TFAP2D: variants seen among roughly 807,000 people sequenced by gnomAD.
TFAP2D encodes the protein transcription factor AP-2 delta, also known as transcription factor AP-2-delta.
In TFAP2D, 9 loss-of-function variants were observed where a neutral mutation model predicts 43.6. That is an observed-to-expected ratio of 0.21 (90% CI 0.12 to 0.36). TFAP2D has a LOEUF of 0.36. Ranked by LOEUF, TFAP2D falls within the 10% of genes least tolerant of loss-of-function variation. TFAP2D has a pLI of 1.00. For missense variants in TFAP2D, 513 were observed against 561.4 expected, an observed-to-expected ratio of 0.91 and a Z score of 0.87; for synonymous variants, 256 against 224.9, an observed-to-expected ratio of 1.14 and a Z score of -1.24.
At chr6:50,717,168 T>C (rs1386558286) in intron 2 of TFAP2D, among the ~76,000 whole-genome samples, 2 of 152,194 alleles carry the variant, frequency 1.3e-5, no homozygotes, top group African/African-American at 4.8e-5. Context: ...ACAAATTTTT[T>C]TTCTGTGCTA....
At chr6:50,718,988 T>C (rs992077426) in intron 2 of TFAP2D, 102 bp from the exon 3 acceptor site, 3 of 1,124,882 alleles carry the variant, frequency 2.7e-6, no homozygotes, top group South Asian at 2.9e-5. Context: ...AAATGTCTAC[T>C]GAAACAGAGT....
In TFAP2D at chr6:50,715,139, C is replaced by G. The variant is rs1188120278; in HGVS notation, c.63C>G (p.Ser21Arg). 1 of 1,613,976 alleles carries G rather than the reference C, an allele frequency of 6.2e-7. No homozygotes were observed. The highest frequency in any genetic ancestry group is 8.5e-7 in the Non-Finnish European group (1 of 1,180,020). The change falls in exon 2 of 8, where the codon AGC (serine) becomes AGG (arginine). Residue 21 changes from serine to arginine, a missense_variant. Transcript: ENST00000008391. ...AGATACGTCACGACGGATCAAACAGCTACCGTTTGATGCAGCTTGGCTGTC... is the reference window on the plus strand; with the variant it reads ...AGATACGTCACGACGGATCAAACAGGTACCGTTTGATGCAGCTTGGCTGTC... ...DAEIRHDGSN[S>R]YRLMQLGCLE...
intron 6 of TFAP2D, among the ~76,000 whole-genome samples, chr6:50,746,323 C>A (rs1233720857): frequency 6.6e-6 from 1 of 152,010 alleles, no homozygotes; most frequent in Non-Finnish European, 1.5e-5. Flanking sequence ...TACAGACTCA[C>A]CCTCCCCAGG....
In TFAP2D at chr6:50,719,501, G is replaced by GAAAGAAAGAAAGAAAGA. The variant is rs3835214; in HGVS notation, c.598+353_598+354insAGAAAGAAAGAAAGAAA. ...AGAAAGAAAGAAAGAAAGAAAGAAA[G>GAAAGAAAGAAAGAAAGA]AAGTTTCTCACACCCTCTTCCCCCA... On this transcript the variant is annotated intron_variant, in intron 3 of 7. Transcript: ENST00000008391. 9.1e-4 allele frequency among the ~76,000 whole-genome samples: 121 copies of GAAAGAAAGAAAGAAAGA among 133,568 alleles called. 2 individuals carry two copies. The highest frequency in any genetic ancestry group is 2.7e-3 in the East Asian group (12 of 4,508). 87.6% of individuals were successfully genotyped at this position (133,568 alleles called of 152,430 possible).
intron 5 of TFAP2D, among the ~76,000 whole-genome samples, chr6:50,738,295 T>C (rs1340741709): frequency 1.3e-5 from 2 of 152,144 alleles, no homozygotes; most frequent in Non-Finnish European, 2.9e-5. Flanking sequence ...AGTATGTCTT[T>C]CATATGACTT....
intron 6 of TFAP2D, among the ~76,000 whole-genome samples, chr6:50,747,964 G>A (rs1769148211): frequency 6.6e-6 from 1 of 151,972 alleles, no homozygotes; most frequent in Non-Finnish European, 1.5e-5. Context: ...ACCATTAAAT[G>A]TCAAGCAAGA....
chr6:50,740,418 A>G (rs1769024778), intron 5 of TFAP2D, among the ~76,000 whole-genome samples: 1 of 151,978 alleles, frequency 6.6e-6, no homozygotes, highest in Admixed American at 6.6e-5. Context: ...ATTTTAAAGA[A>G]AGAATTTTGT....
intron 5 of TFAP2D, among the ~76,000 whole-genome samples, chr6:50,730,608 A>C (rs1417724917): frequency 6.6e-6 from 1 of 152,134 alleles, no homozygotes; most frequent in Non-Finnish European, 1.5e-5. Context: ...TCATTGTTTA[A>C]AAATATAACA....
At chr6:50,725,027 G>A (rs1768788576) in intron 3 of TFAP2D, among the ~76,000 whole-genome samples, 1 of 152,064 alleles carries the variant, frequency 6.6e-6, no homozygotes, top group African/African-American at 2.4e-5. Flanking sequence ...GTCGATAGTT[G>A]GTCAAATTCT....
chr6:50,715,229 C>T lies in TFAP2D; in HGVS notation c.153C>T (p.Thr51=). 1 of 1,614,074 alleles carries T rather than the reference C, an allele frequency of 6.2e-7. No individual in the cohort carries two copies. The highest frequency in any genetic ancestry group is 8.5e-7 in the Non-Finnish European group (1 of 1,180,028). Residue 51 remains threonine (T), a synonymous_variant, in exon 2 of 8, where the codon ACC becomes ACT. Coordinates refer to ENST00000008391, the MANE Select transcript of TFAP2D (RefSeq NM_172238.4). ...SSSSPLTYST[T]GTEFASPYFS... is the part of the protein sequence containing the mutation. Reference sequence around the variant, plus strand: ...CCTCTCCTTTAACTTACTCCACCACCGGCACCGAGTTTGCGTCCCCCTACT... The same window carrying T: ...CCTCTCCTTTAACTTACTCCACCACTGGCACCGAGTTTGCGTCCCCCTACT...
chr6:50,721,036 C>A (rs976171359), intron 3 of TFAP2D, among the ~76,000 whole-genome samples: 21 of 152,280 alleles, frequency 1.4e-4, no homozygotes, highest in African/African-American at 3.6e-4. Flanking sequence ...TTAAGGGACA[C>A]CCTCTCACCC....
intron 5 of TFAP2D, among the ~76,000 whole-genome samples, chr6:50,744,846 T>C (rs1710857490): frequency 6.6e-6 from 1 of 152,132 alleles, no homozygotes; most frequent in South Asian, 2.1e-4. Context: ...TCAACACTTC[T>C]GGATTGTGTT....
At chr6:50,726,612 T>G (rs1034543818) in intron 3 of TFAP2D, among the ~76,000 whole-genome samples, 1 of 152,226 alleles carries the variant, frequency 6.6e-6, no homozygotes, top group Non-Finnish European at 1.5e-5. Context: ...TTTAATATAT[T>G]TGGGGTAGAC....
At chr6:50,724,542 G>T (rs980863695) in intron 3 of TFAP2D, among the ~76,000 whole-genome samples, 1 of 152,178 alleles carries the variant, frequency 6.6e-6, no homozygotes. Flanking sequence ...TGGAGAGCGC[G>T]CGGGACCTCT....
At chr6:50,755,682 C>A (rs1221744740) in intron 7 of TFAP2D, among the ~76,000 whole-genome samples, 1 of 151,758 alleles carries the variant, frequency 6.6e-6, no homozygotes, top group South Asian at 2.1e-4. Context: ...GTATTGTATA[C>A]TAATATATTA....
intron 5 of TFAP2D, among the ~76,000 whole-genome samples, chr6:50,737,939 G>A (rs534625596): frequency 2.0e-3 from 309 of 152,190 alleles, no homozygotes; most frequent in African/African-American, 6.5e-3. Context: ...TAGGAATGGC[G>A]TTGCAGGGTC....
At chr6:50,717,286 T>G (rs1371131885) in intron 2 of TFAP2D, among the ~76,000 whole-genome samples, 3 of 152,230 alleles carry the variant, frequency 2.0e-5, no homozygotes, top group Non-Finnish European at 4.4e-5. Context: ...AATTTTCGAC[T>G]TAGTGCCATT....
intron 1 of TFAP2D, among the ~76,000 whole-genome samples, chr6:50,714,844 CGT>C (rs1768588617): frequency 6.6e-6 from 1 of 151,870 alleles, no homozygotes; most frequent in Non-Finnish European, 1.5e-5. Flanking sequence ...CGTGTGTGTG[CGT>C]GTGTGGTGTC....
chr6:50,757,343 G>T (rs1234943228), intron 7 of TFAP2D, among the ~76,000 whole-genome samples: 1 of 134,964 alleles, frequency 7.4e-6, no homozygotes, highest in African/African-American at 2.7e-5. Flanking sequence ...TATCTATATA[G>T]AGAATATATG....
Sources: gnomAD v4.1 joint callset for allele counts (sites outside exome capture counted in the v4.1 genomes callset) on GRCh38, gnomAD v4.1.1 for gene constraint, MANE v1.5 for transcripts, NCBI Gene and HGNC (gene_info 2026-07-23, HGNC 2026-07-21) for gene names.